The following LYPLAL1 variants were observed in gnomAD, a reference collection of about 807,000 sequenced individuals.
LYPLAL1 encodes the protein lysophospholipase-like protein 1.
LYPLAL1 carries 23 observed loss-of-function variants against 19.7 expected under a neutral mutation model. The observed-to-expected ratio is 1.17, with a 90% CI of 0.84 to 1.65. The LOEUF (loss-of-function observed/expected upper bound fraction) is 1.65. LYPLAL1 is among the 40% of genes most tolerant of loss of function. The pLI is 0.00. For missense variants in LYPLAL1, 355 were observed against 279.4 expected (o/e 1.27, Z -1.93); for synonymous variants, 119 against 96.3 (o/e 1.24, Z -1.38).
At chr1:219,413,349 A>G in the LYPLAL1 span, among the ~76,000 whole-genome samples, 1 of 152,154 alleles carries the variant, frequency 6.6e-6, no homozygotes, top group Non-Finnish European at 1.5e-5. Context: ...CAGATAAGGG[A>G]TCCTCATCTT....
chr1:219,288,200 A>T, the LYPLAL1 span, among the ~76,000 whole-genome samples: 1 of 152,192 alleles, frequency 6.6e-6, no homozygotes, highest in Non-Finnish European at 1.5e-5. Context: ...TAATTGCCAA[A>T]ATTTAGAAGC....
chr1:219,335,072 ACT>A, the LYPLAL1 span, among the ~76,000 whole-genome samples: 87 of 151,830 alleles, frequency 5.7e-4, no homozygotes, highest in Non-Finnish European at 9.3e-4. Flanking sequence ...TATACAGAAA[ACT>A]CTCATAAATC....
At chr1:219,276,448 C>T in the LYPLAL1 span, among the ~76,000 whole-genome samples, 1 of 152,010 alleles carries the variant, frequency 6.6e-6, no homozygotes, top group Non-Finnish European at 1.5e-5. Flanking sequence ...AAGCCAAGAA[C>T]GTTTCTTTAT....
the LYPLAL1 span, among the ~76,000 whole-genome samples, chr1:219,321,688 A>G: frequency 6.6e-6 from 1 of 152,200 alleles, no homozygotes; most frequent in Non-Finnish European, 1.5e-5. Flanking sequence ...CATCAAAATA[A>G]GGAGGTAGTG....
At chr1:219,413,062 A>G in the LYPLAL1 span, among the ~76,000 whole-genome samples, 1 of 152,208 alleles carries the variant, frequency 6.6e-6, no homozygotes, top group African/African-American at 2.4e-5. Context: ...GGTCAAAATT[A>G]ACTACTTAGA....
chr1:219,434,926 A>G, the LYPLAL1 span, among the ~76,000 whole-genome samples: 1 of 152,036 alleles, frequency 6.6e-6, no homozygotes, highest in Non-Finnish European at 1.5e-5. Flanking sequence ...GGCCTGGGAT[A>G]ATGGTCCAGC....
chr1:219,387,810 G>C, the LYPLAL1 span, among the ~76,000 whole-genome samples: 1 of 152,072 alleles, frequency 6.6e-6, no homozygotes, highest in Non-Finnish European at 1.5e-5. Flanking sequence ...TCTTCTAACT[G>C]TCTAAATTAC....
the LYPLAL1 span, among the ~76,000 whole-genome samples, chr1:219,320,605 G>A: frequency 6.6e-6 from 1 of 151,212 alleles, no homozygotes; most frequent in Admixed American, 6.6e-5. Flanking sequence ...CCCATCCCAC[G>A]ACAGGTCCTG....
the LYPLAL1 span, among the ~76,000 whole-genome samples, chr1:219,341,046 A>G: frequency 1.3e-5 from 2 of 152,052 alleles, no homozygotes; most frequent in Non-Finnish European, 2.9e-5. Flanking sequence ...CTAACATTCC[A>G]TGTGCATGTA....
chr1:219,338,972 G>A, the LYPLAL1 span, among the ~76,000 whole-genome samples: 4 of 151,842 alleles, frequency 2.6e-5, no homozygotes, highest in African/African-American at 9.7e-5. Flanking sequence ...CAAATGCCTA[G>A]ATATGTGTAA....
At chr1:219,393,718 A>C in the LYPLAL1 span, among the ~76,000 whole-genome samples, 2 of 151,560 alleles carry the variant, frequency 1.3e-5, no homozygotes, top group Non-Finnish European at 2.9e-5. Context: ...GTTTTTCAGT[A>C]ATTTAAAATC....
the LYPLAL1 span, among the ~76,000 whole-genome samples, chr1:219,269,462 AGTC>A: frequency 6.6e-6 from 1 of 152,194 alleles, no homozygotes; most frequent in African/African-American, 2.4e-5. Context: ...TAGCAGAATA[AGTC>A]ACCTCAGTTT....
chr1:219,220,552 A>G, the LYPLAL1 span, among the ~76,000 whole-genome samples: 2 of 152,132 alleles, frequency 1.3e-5, no homozygotes, highest in African/African-American at 4.8e-5. Context: ...CGTTACCTGG[A>G]ATATCATTGA....
chr1:219,374,836 C>G, the LYPLAL1 span, among the ~76,000 whole-genome samples: 6 of 152,188 alleles, frequency 3.9e-5, no homozygotes, highest in Non-Finnish European at 7.3e-5. Context: ...TTTCCCCGTT[C>G]CATGACTTCA....
the LYPLAL1 span, among the ~76,000 whole-genome samples, chr1:219,374,020 A>C: frequency 6.6e-6 from 1 of 152,090 alleles, no homozygotes. Context: ...TGGGTCAAAT[A>C]CTGAAACTCC....
chr1:219,176,966 A>C lies in LYPLAL1; in HGVS notation c.92-2181A>C, dbSNP rs1032332021. 1.3e-5 allele frequency among the ~76,000 whole-genome samples: 2 copies of C among 152,240 alleles called. 1 individual carries two copies. Among genetic ancestry groups the C allele is most frequent in the South Asian group, 4.1e-4 (2 of 4,836 alleles). Reference sequence around the variant, plus strand: ...TGTTCTAATGAAGTAAATAAATACTATAGTAGAAGGTAGTAAGTTTTATGG... The same window carrying C: ...TGTTCTAATGAAGTAAATAAATACTCTAGTAGAAGGTAGTAAGTTTTATGG... On this transcript the variant is annotated intron_variant, in intron 1 of 4. Transcript: ENST00000366928.
intron 3 of LYPLAL1, among the ~76,000 whole-genome samples, chr1:219,201,363 A>T (rs1442693245): frequency 6.6e-6 from 1 of 150,446 alleles, no homozygotes; most frequent in African/African-American, 2.4e-5. Context: ...TCTGGAGTTT[A>T]TTTTTGTTTC....
At chr1:219,296,576 A>G in the LYPLAL1 span, among the ~76,000 whole-genome samples, 1 of 152,188 alleles carries the variant, frequency 6.6e-6, no homozygotes, top group African/African-American at 2.4e-5. Context: ...ATCACCCTGA[A>G]GACGGGTAGC....
the LYPLAL1 span, among the ~76,000 whole-genome samples, chr1:219,400,017 G>A: frequency 2.0e-5 from 3 of 152,144 alleles, no homozygotes; most frequent in Non-Finnish European, 4.4e-5. Context: ...GTCTCTTCCT[G>A]CAGGGATTCC....
Sources: allele counts gnomAD v4.1 joint callset (sites outside exome capture counted in the v4.1 genomes callset), GRCh38; gene constraint gnomAD v4.1.1; transcripts MANE v1.5; gene names NCBI Gene and HGNC (gene_info 2026-07-23, HGNC 2026-07-21).